The following DLG2 variants were observed in gnomAD, a reference collection of about 807,000 sequenced individuals.
The protein encoded by DLG2 is disks large homolog 2.
DLG2 carries 45 observed loss-of-function variants against 132.5 expected under a neutral mutation model. The ratio of observed to expected loss-of-function variants is 0.34; its 90% CI spans 0.27 to 0.44. The LOEUF (loss-of-function observed/expected upper bound fraction) is 0.44, where lower values mean the gene tolerates loss of function less well. Among genes scored for constraint, DLG2 ranks in the 20% least tolerant of loss-of-function variants. The pLI, the probability that DLG2 is intolerant of heterozygous loss-of-function variation, is 1.00. For missense variants in DLG2, 1,045 were observed against 1,196.9 expected (o/e 0.87, Z 1.87); for synonymous variants, 424 against 419.6 (o/e 1.01, Z -0.13).
chr11:85,052,381 A>G (rs2062988403), intron 6 of DLG2, among the ~76,000 whole-genome samples: 2 of 152,178 alleles, frequency 1.3e-5, no homozygotes, highest in African/African-American at 4.8e-5. Flanking sequence ...AAAACTTAAA[A>G]CTCATAAAAT....
chr11:83,482,351 T>TAAAC (rs1473563174), intron 22 of DLG2, among the ~76,000 whole-genome samples: 2 of 152,082 alleles, frequency 1.3e-5, no homozygotes, highest in African/African-American at 4.8e-5. Context: ...CAAAAAAAAT[T>TAAAC]AAACATGTGA....
intron 3 of DLG2, among the ~76,000 whole-genome samples, chr11:85,347,411 G>T (rs749467246): frequency 7.9e-5 from 12 of 152,066 alleles, no homozygotes; most frequent in Admixed American, 1.3e-4. Context: ...GACCTGGATG[G>T]ACTTTTTAGC....
At chr11:83,916,027 G>A (rs111289967) in intron 15 of DLG2, among the ~76,000 whole-genome samples, 4,090 of 152,136 alleles carry the variant, frequency 0.027, 185 homozygotes, top group African/African-American at 0.09. Flanking sequence ...CTTTTACTTG[G>A]CATAATCTTT....
intron 6 of DLG2, among the ~76,000 whole-genome samples, chr11:85,050,905 G>T (rs1040670642): frequency 6.6e-6 from 1 of 151,956 alleles, no homozygotes; most frequent in Non-Finnish European, 1.5e-5. Context: ...TTATTGTAAG[G>T]CTTAATAGAT....
At chr11:85,592,078 T>C (rs1387032589) in intron 3 of DLG2, among the ~76,000 whole-genome samples, 2 of 152,220 alleles carry the variant, frequency 1.3e-5, no homozygotes, top group African/African-American at 4.8e-5. Flanking sequence ...CATTTTAGTC[T>C]AGCCCCAAAA....
rs1324291165 is a variant in DLG2 at position 84,707,697 on chromosome 11, C to T, written c.358-172966G>A. ...CCTTATGATCTGAAACATTTGTCAG[C>T]CTTCATTGCACAGATGGAATTTTAC... On this transcript the variant is annotated intron_variant, in intron 6 of 27. Transcript: ENST00000376104. Among the ~76,000 whole-genome samples the T allele has an allele frequency of 6.6e-5, 10 of 151,884 alleles. No homozygotes were observed. In the East Asian group the frequency reaches 1.6e-3, roughly 24 times the overall value.
At chr11:84,157,243 A>G (rs1348439270) in intron 9 of DLG2, among the ~76,000 whole-genome samples, 2 of 152,170 alleles carry the variant, frequency 1.3e-5, no homozygotes, top group Non-Finnish European at 2.9e-5. Flanking sequence ...TATTTTGCAT[A>G]TTTGAAATAT....
chr11:84,775,560 C>T (rs980522212), intron 6 of DLG2, among the ~76,000 whole-genome samples: 1 of 151,910 alleles, frequency 6.6e-6, no homozygotes, highest in African/African-American at 2.4e-5. Context: ...AAATGGGGTA[C>T]ATATACACCA....
chr11:84,059,777 T>C (rs777607133), intron 10 of DLG2, among the ~76,000 whole-genome samples: 3 of 152,184 alleles, frequency 2.0e-5, no homozygotes, highest in Admixed American at 6.5e-5. Flanking sequence ...TAGAAGGGCA[T>C]GTATTTTAAG....
At chr11:84,622,830 T>C (rs1241610484) in intron 6 of DLG2, among the ~76,000 whole-genome samples, 1 of 152,180 alleles carries the variant, frequency 6.6e-6, no homozygotes, top group African/African-American at 2.4e-5. Context: ...ATGCCATGTA[T>C]GTTCTAGCTC....
At chr11:84,257,884 G>T (rs2097500148) in intron 7 of DLG2, among the ~76,000 whole-genome samples, 1 of 151,580 alleles carries the variant, frequency 6.6e-6, no homozygotes, top group Admixed American at 6.6e-5. Context: ...ACGGGGTTTT[G>T]CTATACTGCC....
At chr11:83,624,225 T>C (rs1031542420) in intron 19 of DLG2, among the ~76,000 whole-genome samples, 3 of 152,246 alleles carry the variant, frequency 2.0e-5, no homozygotes, top group Non-Finnish European at 4.4e-5. Flanking sequence ...ATCTGGATTC[T>C]AGACCTTGAA....
chr11:85,042,759 G>A (rs989616687), intron 6 of DLG2, among the ~76,000 whole-genome samples: 1 of 151,812 alleles, frequency 6.6e-6, no homozygotes, highest in African/African-American at 2.4e-5. Context: ...GTATATAAAG[G>A]TTTTACCACT....
At chr11:84,275,754 T>C (rs778645786) in intron 7 of DLG2, among the ~76,000 whole-genome samples, 33 of 152,046 alleles carry the variant, frequency 2.2e-4, no homozygotes, top group African/African-American at 6.5e-4. Flanking sequence ...TCAGCACAAA[T>C]AACAAAAAGG....
intron 6 of DLG2, among the ~76,000 whole-genome samples, chr11:85,049,829 G>A (rs927832915): frequency 1.2e-4 from 18 of 151,934 alleles, no homozygotes; most frequent in Admixed American, 8.5e-4. Flanking sequence ...CAAAACTTAG[G>A]GGGTAAAATG....
In DLG2 at chr11:84,687,757, T is replaced by C. The variant is rs766486345; in HGVS notation, c.358-153026A>G. Among the ~76,000 whole-genome samples the C allele has an allele frequency of 2.1e-4, 32 of 152,300 alleles. 1 individual carries two copies. The highest frequency in any genetic ancestry group is 6.8e-3 in the Middle Eastern group (2 of 294). On this transcript the variant is annotated intron_variant, in intron 6 of 27. Coordinates refer to ENST00000376104, the MANE Select transcript of DLG2 (RefSeq NM_001142699.3). Reference sequence around the variant, plus strand: ...TTGAAGATCATAACTATAGTTACCATTAATTTTCTTCAAGTCATACATATA... The same window carrying C: ...TTGAAGATCATAACTATAGTTACCACTAATTTTCTTCAAGTCATACATATA...
At chr11:84,865,113 C>G (rs1367675710) in intron 6 of DLG2, among the ~76,000 whole-genome samples, 2 of 152,146 alleles carry the variant, frequency 1.3e-5, no homozygotes, top group Non-Finnish European at 2.9e-5. Context: ...AGGTTACTCT[C>G]TATTACGAAG....
At chr11:84,952,487 C>G (rs969365819) in intron 6 of DLG2, among the ~76,000 whole-genome samples, 2 of 151,718 alleles carry the variant, frequency 1.3e-5, no homozygotes, top group African/African-American at 4.8e-5. Flanking sequence ...ACAGCACTCC[C>G]GCCTGGGCGA....
chr11:83,547,355 G>T (rs1218251008), intron 19 of DLG2, among the ~76,000 whole-genome samples: 1 of 152,156 alleles, frequency 6.6e-6, no homozygotes, highest in Non-Finnish European at 1.5e-5. Context: ...GGGACTTGGA[G>T]ATGTGATTAA....
Sources: gnomAD v4.1 joint callset for allele counts (sites outside exome capture counted in the v4.1 genomes callset) on GRCh38, gnomAD v4.1.1 for gene constraint, MANE v1.5 for transcripts, NCBI Gene and HGNC (gene_info 2026-07-23, HGNC 2026-07-21) for gene names.